The following ZBTB46 variants were observed in gnomAD, a reference collection of about 807,000 sequenced individuals.
ZBTB46 encodes the protein zinc finger and BTB domain-containing protein 46.
Under a neutral mutation model 44.1 loss-of-function variants are expected in ZBTB46, and 8 were observed. That is an observed-to-expected ratio of 0.18 (90% CI 0.11 to 0.33). The LOEUF (loss-of-function observed/expected upper bound fraction) is 0.33. Ranked by LOEUF, ZBTB46 falls within the 10% of genes least tolerant of loss-of-function variation. ZBTB46 has a pLI of 1.00. For missense variants in ZBTB46, 651 were observed against 847.7 expected, an observed-to-expected ratio of 0.77 and a Z score of 2.88; for synonymous variants, 409 against 382.3, an observed-to-expected ratio of 1.07 and a Z score of -0.81.
intron 1 of ZBTB46, among the ~76,000 whole-genome samples, chr20:63,823,293 A>C (rs1307855338): frequency 6.6e-6 from 1 of 151,972 alleles, no homozygotes. Context: ...TCAGGAGTTC[A>C]AGACCAGCGT....
intron 2 of ZBTB46, 146 bp downstream of exon 2, chr20:63,789,675 G>A (rs1343984498): frequency 9.4e-6 from 13 of 1,381,456 alleles, no homozygotes; most frequent in Non-Finnish European, 1.3e-5. Flanking sequence ...ATTCCCAGCG[G>A]TCACGACAAC....
chr20:63,818,987 C>T (rs986349828), intron 1 of ZBTB46, among the ~76,000 whole-genome samples: 2 of 151,918 alleles, frequency 1.3e-5, no homozygotes, highest in African/African-American at 4.8e-5. Context: ...GCCTGACCAA[C>T]ATGGTGAAAC....
intron 1 of ZBTB46, among the ~76,000 whole-genome samples, chr20:63,796,511 C>T (rs1223968060): frequency 6.6e-6 from 1 of 152,264 alleles, no homozygotes; most frequent in Non-Finnish European, 1.5e-5. Context: ...CCGTTAGGCT[C>T]CACTTAAACC....
rs1157544286 is a variant in ZBTB46, at chr20:63,803,573, C to A, written c.-33-12783G>T. ...GGCCCCGGGCTGCCCAGGCCCCGGG[C>A]TGCCCAGGTCTCTGTCGGAGGCCCT... is the stretch of plus-strand genomic sequence containing the variant. On this transcript the variant is annotated intron_variant, in intron 1 of 4. Coordinates refer to ENST00000245663, the MANE Select transcript of ZBTB46 (RefSeq NM_001369741.1). The surrounding 1 kb of genome is among the most constrained non-coding windows in gnomAD (Gnocchi z 4.0). 2.5e-5 allele frequency: 21 copies of A among 843,026 alleles called. No individual in the cohort carries two copies. The highest frequency in any genetic ancestry group is 2.7e-5 in the Non-Finnish European group (19 of 699,836). The allele number at this position is 843,026 out of a possible 1,614,324, so 52.2% of individuals were successfully genotyped here. A position where few individuals can be genotyped will look rare whatever the true frequency, so the allele number is the denominator to read the frequency against.
chr20:63,784,530 T>C (rs2092496838), intron 2 of ZBTB46, among the ~76,000 whole-genome samples: 1 of 152,228 alleles, frequency 6.6e-6, no homozygotes, highest in Non-Finnish European at 1.5e-5. Flanking sequence ...ACCTGGGCTG[T>C]TTCTTTACCA....
chr20:63,823,251 T>C (rs1004431932), intron 1 of ZBTB46, among the ~76,000 whole-genome samples: 2 of 151,548 alleles, frequency 1.3e-5, no homozygotes, highest in African/African-American at 4.9e-5. Flanking sequence ...ACTTTGGGGG[T>C]TCCAGGTGGG....
At chr20:63,829,427 C>T (rs6011173) in intron 1 of ZBTB46, among the ~76,000 whole-genome samples, 28,294 of 152,286 alleles carry the variant, frequency 0.19, 3,269 homozygotes, top group East Asian at 0.46. Flanking sequence ...GGCGGAATTT[C>T]GGATTTCTAA....
chr20:63,751,736 G>GC (rs1230796831), intron 4 of ZBTB46, among the ~76,000 whole-genome samples: 8 of 54,584 alleles, frequency 1.5e-4, no homozygotes, highest in Non-Finnish European at 2.3e-4. Flanking sequence ...ATGAAGCCCC[G>GC]CCCCCCGGTG....
intron 2 of ZBTB46, among the ~76,000 whole-genome samples, chr20:63,779,735 T>C (rs1291869414): frequency 6.6e-6 from 1 of 151,818 alleles, no homozygotes; most frequent in East Asian, 1.9e-4. Flanking sequence ...AATTTTTGTA[T>C]TTTTAGTAGA....
At chr20:63,821,430 A>T (rs1377551196) in intron 1 of ZBTB46, among the ~76,000 whole-genome samples, 1 of 145,836 alleles carries the variant, frequency 6.9e-6, no homozygotes, top group African/African-American at 2.6e-5. Flanking sequence ...TGGGACTACA[A>T]GCAGGCACGC....
chr20:63,795,415 G>C (rs947809173), intron 1 of ZBTB46, among the ~76,000 whole-genome samples: 1 of 152,348 alleles, frequency 6.6e-6, no homozygotes, highest in Non-Finnish European at 1.5e-5. Flanking sequence ...CACAGGACGC[G>C]GTGCAGTTAC....
chr20:63,763,377 G>T (rs1273055208), intron 3 of ZBTB46, among the ~76,000 whole-genome samples: 1 of 152,160 alleles, frequency 6.6e-6, no homozygotes, highest in Non-Finnish European at 1.5e-5. Context: ...TAATTTATGA[G>T]AAAAGAGGTT....
At chr20:63,794,725 G>A (rs1274534180) in intron 1 of ZBTB46, among the ~76,000 whole-genome samples, 1 of 152,184 alleles carries the variant, frequency 6.6e-6, no homozygotes, top group East Asian at 1.9e-4. Context: ...GGCTCGACAC[G>A]CAAGCAGCGG....
chr20:63,755,634 G>A (rs951323947), intron 3 of ZBTB46, among the ~76,000 whole-genome samples: 1 of 152,130 alleles, frequency 6.6e-6, no homozygotes. Context: ...CTCAACCCAC[G>A]ACATTTGACT....
At chr20:63,809,704 G>A (rs1005677430) in intron 1 of ZBTB46, among the ~76,000 whole-genome samples, 6 of 152,226 alleles carry the variant, frequency 3.9e-5, no homozygotes, top group Admixed American at 6.5e-5. Context: ...GCTCATGCCT[G>A]AAATCCCAAC....
intron 1 of ZBTB46, among the ~76,000 whole-genome samples, chr20:63,817,260 G>A (rs1410850616): frequency 6.6e-6 from 1 of 152,114 alleles, no homozygotes; most frequent in Non-Finnish European, 1.5e-5. Flanking sequence ...AAAAAAATTA[G>A]CCAGGTATGA....
At chr20:63,802,212 CAG>C (rs952321957) in intron 1 of ZBTB46, among the ~76,000 whole-genome samples, 16 of 152,204 alleles carry the variant, frequency 1.1e-4, no homozygotes, top group Non-Finnish European at 2.2e-4. Flanking sequence ...TGCTTGAGGC[CAG>C]GAGTTTGAGA....
intron 1 of ZBTB46, among the ~76,000 whole-genome samples, chr20:63,802,119 T>C (rs2092650423): frequency 2.0e-5 from 3 of 152,030 alleles, no homozygotes; most frequent in Non-Finnish European, 4.4e-5. Context: ...GCAGATGCAA[T>C]TAATTAAGAT....
chr20:63,815,595 G>A (rs919021161), intron 1 of ZBTB46, among the ~76,000 whole-genome samples: 1 of 142,470 alleles, frequency 7.0e-6, no homozygotes, highest in African/African-American at 2.6e-5. Context: ...CACAGGTGCA[G>A]TGGGTGCAGG....
Sources: gnomAD v4.1 joint callset for allele counts (sites outside exome capture counted in the v4.1 genomes callset) on GRCh38, gnomAD v4.1.1 for gene constraint, Gnocchi (gnomAD v3.1) non-coding constraint, MANE v1.5 for transcripts, NCBI Gene and HGNC (gene_info 2026-07-23, HGNC 2026-07-21) for gene names.